ECSIT: variants seen among roughly 807,000 people sequenced by gnomAD.
The protein encoded by ECSIT is evolutionarily conserved signaling intermediate in Toll pathway, mitochondrial.
ECSIT carries 29 observed loss-of-function variants against 36.8 expected under a neutral mutation model. The ratio of observed to expected loss-of-function variants is 0.79; its 90% confidence interval spans 0.59 to 1.08. ECSIT has a LOEUF of 1.08. Among genes scored for constraint, ECSIT ranks in the 50% least tolerant of loss-of-function variants. The pLI, the probability that ECSIT is intolerant of heterozygous loss-of-function variation, is 0.00. For synonymous variants in ECSIT, 231 were observed against 234.8 expected, an observed-to-expected ratio of 0.98 and a Z score of 0.15; for missense variants, 542 against 581.0, an observed-to-expected ratio of 0.93 and a Z score of 0.69.
chr19:11,512,205 C>T (rs556925859), intron 4 of ECSIT, among the ~76,000 whole-genome samples: 4 of 151,840 alleles, frequency 2.6e-5, no homozygotes, highest in South Asian at 2.1e-4. Flanking sequence ...ATTAGCCGGG[C>T]GTGGTGGTGT....
At position 11,513,104 on chromosome 19, in the gene ECSIT, G is replaced by A. The variant is rs145074549; in HGVS notation, c.690C>T (p.Gly230=). 1.9e-4 allele frequency: 313 copies of A among 1,614,106 alleles called. 1 individual carries two copies. Among genetic ancestry groups the A allele is most frequent in the Non-Finnish European group, 2.3e-4 (275 of 1,180,054 alleles). The part of the protein sequence containing the change: ...PQDPVELAMF[G]LRHMEPDLSA... ...TAAGGTCAGGCTCCATGTGCCGCAG[G>A]CCAAACATGGCCAGCTCCACAGGGT... The change falls in exon 4 of 8, where the codon GGC becomes GGT. Residue 230 remains glycine, a synonymous_variant. Coordinates refer to ENST00000270517, the MANE Select transcript of ECSIT (RefSeq NM_016581.5).
rs1972122913 is a variant in ECSIT, at chr19:11,522,360, G to T, written c.-23-3167C>A. 3.0e-5 allele frequency: 24 copies of T among 807,136 alleles called. No homozygotes were observed. In the South Asian group the frequency reaches 3.3e-4, roughly 11 times the overall value. The allele number at this position is 807,136 out of a possible 1,614,324, so 50.0% of individuals were successfully genotyped here. ...CCATCCAGATCATGAAGATGGAGGAGATAGCAGCCAGCAAGTCCCACCGGC... is the reference window on the plus strand; with the variant it reads ...CCATCCAGATCATGAAGATGGAGGATATAGCAGCCAGCAAGTCCCACCGGC... On this transcript the variant is annotated intron_variant, in intron 1 of 7. Coordinates refer to ENST00000270517, the MANE Select transcript of ECSIT (RefSeq NM_016581.5).
At chr19:11,507,334 T>C (rs1401449245) in intron 7 of ECSIT, 123 bp downstream of exon 7, 1 of 765,028 alleles carries the variant, frequency 1.3e-6, no homozygotes, top group Non-Finnish European at 2.3e-6. Flanking sequence ...TGGAGTGCAG[T>C]GGCTCTATAA....
Position 11,506,243 on chromosome 19 carries a change from G to A in ECSIT, c.1237C>T (p.Pro413Ser), listed in dbSNP as rs1005347301. ...SSAGLEEPPLPEDHQEEDDNL... is the reference protein window; with the variant it reads ...SSAGLEEPPLSEDHQEEDDNL... ...TCGTCTTCTTCCTGGTGGTCCTCGG[G>A]CAGGGGCGGCTCCTCCAGCCCTGCA... The change falls in exon 8 of 8, where the codon CCC (proline) becomes TCC (serine). Residue 413 changes from proline (P) to serine (S), a missense_variant. Coordinates refer to ENST00000270517, the MANE Select transcript of ECSIT (RefSeq NM_016581.5). The A allele has an allele frequency of 9.3e-6, 15 of 1,609,914 alleles. No individual in the cohort carries two copies. Among genetic ancestry groups the A allele is most frequent in the Admixed American group, 1.7e-5 (1 of 60,010 alleles).
intron 1 of ECSIT, among the ~76,000 whole-genome samples, chr19:11,528,384 T>C (rs1972257954): frequency 1.3e-5 from 2 of 152,176 alleles, no homozygotes; most frequent in African/African-American, 4.8e-5. Flanking sequence ...CCCGAGTAGC[T>C]AGGACTACAG....
Position 11,519,300 on chromosome 19 carries a change from C to A in ECSIT, c.-23-107G>T. On this transcript the variant is annotated intron_variant, in intron 1 of 7. Transcript: ENST00000270517. The surrounding 1 kb of genome is among the most constrained non-coding windows in gnomAD (Gnocchi z 4.4). ...ACTCCAGATTATGTGGCTCACTCACCAGCCCCAATGTTTACCTTACCCAAG... is the reference window on the plus strand; with the variant it reads ...ACTCCAGATTATGTGGCTCACTCACAAGCCCCAATGTTTACCTTACCCAAG... 1 of 755,768 alleles carries A rather than the reference C, an allele frequency of 1.3e-6. No homozygotes were observed. The allele number at this position is 755,768 out of a possible 1,614,324, so 46.8% of individuals were successfully genotyped here.
In ECSIT at chr19:11,519,073, A is replaced by G; in HGVS notation, c.96+2T>C. 1 of 1,551,380 alleles carries G rather than the reference A, an allele frequency of 6.4e-7. No individual in the cohort carries two copies. Among genetic ancestry groups the G allele is most frequent in the Non-Finnish European group, 8.7e-7 (1 of 1,146,772 alleles). The stretch of plus-strand genomic sequence containing the variant: ...CCAAAAGACTGCCTGGCTGGTGCTT[A>G]CCTGAGAGATGGAGGTTCCTGTGAG... On this transcript the variant is annotated splice_donor_variant, in intron 2 of 7. Transcript: ENST00000270517. LOFTEE classifies it high-confidence loss of function. The surrounding 1 kb of genome is among the most constrained non-coding windows in gnomAD (Gnocchi z 4.4).
rs1599586727 is a variant in ECSIT, at chr19:11,519,415, C to G, written c.-23-222G>C. On this transcript the variant is annotated intron_variant, in intron 1 of 7. Coordinates refer to ENST00000270517, the MANE Select transcript of ECSIT (RefSeq NM_016581.5). The surrounding 1 kb of genome is among the most constrained non-coding windows in gnomAD (Gnocchi z 4.4). The stretch of plus-strand genomic sequence containing the variant: ...CGTGATCATAGCTCAATGCAGCCTC[C>G]AACTTCTGGGCCCAAGTGATCCTCC... Among the ~76,000 whole-genome samples the G allele has an allele frequency of 6.6e-6, 1 of 152,142 alleles. No individual in the cohort carries two copies. Among genetic ancestry groups the G allele is most frequent in the South Asian group, 2.1e-4 (1 of 4,818 alleles).
intron 1 of ECSIT, among the ~76,000 whole-genome samples, chr19:11,526,047 C>T (rs1387743537): frequency 6.6e-6 from 1 of 151,902 alleles, no homozygotes; most frequent in Non-Finnish European, 1.5e-5. Flanking sequence ...TCACTGCAAC[C>T]TCCGTATCCT....
intron 4 of ECSIT, chr19:11,510,574 A>C (rs1971850290): frequency 6.6e-6 from 1 of 151,682 alleles, no homozygotes; most frequent in South Asian, 2.1e-4. Flanking sequence ...ATCTGCTTGC[A>C]AATGTATAGA....
chr19:11,507,788 C>A lies in ECSIT; in HGVS notation c.859G>T (p.Val287Phe). 2 of 1,614,156 alleles carry A rather than the reference C, an allele frequency of 1.2e-6. No homozygotes were observed. The highest frequency in any genetic ancestry group is 1.7e-6 in the Non-Finnish European group (2 of 1,180,048). ...AGCCACAGGGAGAAGGGGCCCTCAA[C>A]AAAGACAGGCCGGGCTGGATTGTGG... ...ARHNPARPVF[V>F]EGPFSLWLRN... Residue 287 changes from valine to phenylalanine, a missense_variant, in exon 6 of 8, where the codon GTT (valine) becomes TTT (phenylalanine). Val to Phe is a conservative substitution (Grantham distance 50, BLOSUM62 -1). Transcript: ENST00000270517.
chr19:11,507,502 A>T lies in ECSIT; in HGVS notation c.1006T>A (p.Tyr336Asn). The change falls in exon 7 of 8, where the codon TAT (tyrosine) becomes AAT (asparagine). Residue 336 changes from tyrosine (Y) to asparagine (N), a missense_variant. Tyr to Asn is a moderately radical substitution (Grantham distance 143). Coordinates refer to ENST00000270517, the MANE Select transcript of ECSIT (RefSeq NM_016581.5). ...TAGTTGTCCCAGCCACTCCTCACAT[A>T]CTCCAGGTCCAGCTGCATCGGGTAG... ...LYYPMQLDLE[Y>N]VRSGWDNYEF... 6.2e-7 allele frequency: 1 copy of T among 1,613,164 alleles called. No individual in the cohort carries two copies. The highest frequency in any genetic ancestry group is 8.5e-7 in the Non-Finnish European group (1 of 1,179,818).
rs1315441722 is a variant in ECSIT at position 11,506,028 on chromosome 19, G to A, written c.*156C>T. 1.5e-6 allele frequency: 2 copies of A among 1,304,252 alleles called. No individual in the cohort carries two copies. The highest frequency in any genetic ancestry group is 2.3e-5 in the East Asian group (1 of 42,610). 80.8% of individuals were successfully genotyped at this position (1,304,252 alleles called of 1,614,324 possible). On this transcript the variant is annotated 3_prime_UTR_variant, in exon 8 of 8. Transcript: ENST00000270517. ...GGGTCTCGCCTGCCCATCGCTGGCA[G>A]CCCGAGATCCTGGGGAGGGGATGCC...
chr19:11,513,044 A>T lies in ECSIT; in HGVS notation c.738+12T>A, dbSNP rs1971903553. The T allele has an allele frequency of 1.2e-6, 2 of 1,613,032 alleles. No individual in the cohort carries two copies. Among genetic ancestry groups the T allele is most frequent in the Non-Finnish European group, 1.7e-6 (2 of 1,179,782 alleles). On this transcript the variant is annotated intron_variant, in intron 4 of 7. Coordinates refer to ENST00000270517, the MANE Select transcript of ECSIT (RefSeq NM_016581.5). ...TGGGGTGGCAGCTGACGCTGTAGAC[A>T]AGGGCGGATACCTGGTAGATGGTGA...
chr19:11,516,976 G>A (rs574688834), intron 2 of ECSIT, among the ~76,000 whole-genome samples: 8 of 151,966 alleles, frequency 5.3e-5, no homozygotes, highest in Non-Finnish European at 8.8e-5. Flanking sequence ...CCAAGATCAC[G>A]CCACTACACT....
intron 6 of ECSIT, 69 bp downstream of exon 6, chr19:11,507,633 C>G (rs1290274261): frequency 2.5e-6 from 4 of 1,613,518 alleles, no homozygotes; most frequent in Non-Finnish European, 3.4e-6. Context: ...TCCAGCCTCT[C>G]CCATGCACCC....
chr19:11,509,149 C>T (rs781001579), intron 4 of ECSIT, among the ~76,000 whole-genome samples: 6 of 150,598 alleles, frequency 4.0e-5, no homozygotes, highest in Middle Eastern at 3.4e-3. Flanking sequence ...CTCAGCTCAC[C>T]GCAACCTCCA....
intron 4 of ECSIT, chr19:11,510,705 G>C (rs903587946): frequency 2.0e-5 from 3 of 152,022 alleles, no homozygotes; most frequent in African/African-American, 7.2e-5. Context: ...TTTACATGCT[G>C]TTTGGCTTTT....
intron 1 of ECSIT, chr19:11,525,742 C>CAAAAAAAAAAAAA: frequency 8.2e-6 from 1 of 121,986 alleles, no homozygotes; most frequent in Non-Finnish European, 1.8e-5. Context: ...TCTCTACTAA[C>CAAAAAAAAAAAAA]AAAAAAAAAA....
Sources: gnomAD v4.1 joint callset for allele counts (sites outside exome capture counted in the v4.1 genomes callset) on GRCh38, gnomAD v4.1.1 for gene constraint, Gnocchi (gnomAD v3.1) non-coding constraint, MANE v1.5 for transcripts, NCBI Gene and HGNC (gene_info 2026-07-23, HGNC 2026-07-21) for gene names.